The following SLC15A2 variants were observed in gnomAD, a reference collection of about 807,000 sequenced individuals.
SLC15A2 encodes solute carrier family 15 member 2, also known as kidney H(+)/peptide cotransporter.
SLC15A2 carries 77 observed loss-of-function variants against 95.5 expected under a neutral mutation model. That is an observed-to-expected ratio of 0.81 (90% confidence interval 0.67 to 0.97). The LOEUF (loss-of-function observed/expected upper bound fraction) is 0.97. Ranked by LOEUF, SLC15A2 falls within the 50% of genes least tolerant of loss-of-function variation. The pLI is 0.00. For missense variants in SLC15A2, 893 were observed against 874.4 expected (o/e 1.02, Z -0.27); for synonymous variants, 306 against 306.9 (o/e 1.00, Z 0.03).
intron 3 of SLC15A2, among the ~76,000 whole-genome samples, chr3:121,906,261 T>C (rs1397030994): frequency 6.6e-6 from 1 of 152,230 alleles, no homozygotes; most frequent in African/African-American, 2.4e-5. Context: ...TCTCTGCACA[T>C]GAGATGGTTC....
chr3:121,935,092 C>G (rs1193153708), intron 19 of SLC15A2, among the ~76,000 whole-genome samples: 1 of 152,290 alleles, frequency 6.6e-6, no homozygotes, highest in East Asian at 1.9e-4. Context: ...ATTGAACCAG[C>G]CTTGCATCCC....
chr3:121,934,044 C>T (rs1379960899), intron 19 of SLC15A2, among the ~76,000 whole-genome samples: 1 of 151,444 alleles, frequency 6.6e-6, no homozygotes, highest in African/African-American at 2.4e-5. Context: ...GCTTGTTTTT[C>T]TCAGGTTTGT....
chr3:121,935,653 C>A (rs1710328382), intron 19 of SLC15A2, among the ~76,000 whole-genome samples: 1 of 151,478 alleles, frequency 6.6e-6, no homozygotes, highest in South Asian at 2.1e-4. Context: ...ATTCTTCTCT[C>A]TTTTTTTCTT....
chr3:121,936,632 C>T (rs1302556841), intron 19 of SLC15A2, among the ~76,000 whole-genome samples: 1 of 148,896 alleles, frequency 6.7e-6, no homozygotes, highest in Non-Finnish European at 1.5e-5. Context: ...TCTTCCTCCA[C>T]CCTTTTATTT....
chr3:121,922,739 C>G, intron 8 of SLC15A2, 36 bp from the exon 9 acceptor site: 2 of 1,510,582 alleles, frequency 1.3e-6, no homozygotes, highest in Non-Finnish European at 1.8e-6. Context: ...ATGTTTTTCT[C>G]TTTGTCTCTC....
intron 3 of SLC15A2, among the ~76,000 whole-genome samples, chr3:121,908,497 G>A (rs1230589035): frequency 1.3e-5 from 2 of 152,142 alleles, no homozygotes; most frequent in African/African-American, 2.4e-5. Context: ...GGAGTGGTTC[G>A]TATTCAGCCA....
intron 8 of SLC15A2, among the ~76,000 whole-genome samples, chr3:121,922,513 A>G (rs1216275665): frequency 6.6e-6 from 1 of 152,218 alleles, no homozygotes; most frequent in Non-Finnish European, 1.5e-5. Flanking sequence ...TAAGTTGGCA[A>G]AAATCTTCTG....
At chr3:121,916,704 A>G (rs1052143477) in intron 7 of SLC15A2, among the ~76,000 whole-genome samples, 2 of 152,252 alleles carry the variant, frequency 1.3e-5, no homozygotes, top group Non-Finnish European at 2.9e-5. Context: ...GAAATGTTTC[A>G]TAAATTATGA....
chr3:121,934,083 C>T (rs1206132607), intron 19 of SLC15A2, among the ~76,000 whole-genome samples: 1,860 of 102,530 alleles, frequency 0.018, no homozygotes, highest in South Asian at 0.028. Flanking sequence ...AGATATGTGG[C>T]ATTATTTCTG....
intron 3 of SLC15A2, among the ~76,000 whole-genome samples, chr3:121,907,960 TC>T (rs1378760266): frequency 1.3e-5 from 2 of 152,250 alleles, no homozygotes; most frequent in Non-Finnish European, 2.9e-5. Flanking sequence ...TGCCTTTTGT[TC>T]CGCTATGCCC....
intron 21 of SLC15A2, 31 bp downstream of exon 21, chr3:121,940,519 C>T (rs1219811642): frequency 4.5e-6 from 7 of 1,559,430 alleles, no homozygotes; most frequent in Non-Finnish European, 6.2e-6. Context: ...GGATTCATTT[C>T]TACTCAAGTT....
Position 121,896,438 on chromosome 3 carries a change from T to A in SLC15A2, c.138T>A (p.Ile46=), listed in dbSNP as rs1399135222. ...TICGSNYPLS[I]AFIVVNEFCE... ...GTGGCTCCAACTATCCACTGAGCATTGCCTTCATTGTGGTGAATGAATTCT... is the reference window on the plus strand; with the variant it reads ...GTGGCTCCAACTATCCACTGAGCATAGCCTTCATTGTGGTGAATGAATTCT... The change falls in exon 2 of 22, where the codon ATT becomes ATA. Residue 46 remains isoleucine, a synonymous_variant. Transcript: ENST00000489711. 1.2e-6 allele frequency: 2 copies of A among 1,614,064 alleles called. No homozygotes were observed. The highest frequency in any genetic ancestry group is 3.3e-5 in the Admixed American group (2 of 60,010).
Position 121,940,911 on chromosome 3 carries a change from T to G in SLC15A2, c.2094T>G (p.Pro698=), listed in dbSNP as rs753383411. The stretch of plus-strand genomic sequence containing the variant: ...CCATCATGGGCTACTACTATGTTCC[T>G]GTAAAGACAGAGGATATGCGGGGTC... ...IFSIMGYYYV[P]VKTEDMRGPA... Residue 698 remains proline, a synonymous_variant, in exon 22 of 22, where the codon CCT becomes CCG. Coordinates refer to ENST00000489711, the MANE Select transcript of SLC15A2 (RefSeq NM_021082.4). The G allele has an allele frequency of 6.2e-7, 1 of 1,614,202 alleles. No individual in the cohort carries two copies. Among genetic ancestry groups the G allele is most frequent in the Admixed American group, 1.7e-5 (1 of 60,012 alleles).
In SLC15A2 at chr3:121,911,590, T is replaced by C; in HGVS notation, c.352T>C (p.Ser118Pro). 1 of 1,613,716 alleles carries C rather than the reference T, an allele frequency of 6.2e-7. No homozygotes were observed. Among genetic ancestry groups the C allele is most frequent in the Non-Finnish European group, 8.5e-7 (1 of 1,179,612 alleles). ...TCTCAACAGGACAATCATCTATCTCTCCTTGGTGTATGTGCTTGGCCATGT... is the reference window on the plus strand; with the variant it reads ...TCTCAACAGGACAATCATCTATCTCCCCTTGGTGTATGTGCTTGGCCATGT... ...LGKFKTIIYL[S>P]LVYVLGHVIK... The change falls in exon 4 of 22, where the codon TCC (serine) becomes CCC (proline). Residue 118 changes from serine to proline, a missense_variant. Coordinates refer to ENST00000489711, the MANE Select transcript of SLC15A2 (RefSeq NM_021082.4).
At chr3:121,940,598 G>A (rs1313337621) in intron 21 of SLC15A2, 110 bp downstream of exon 21, 4 of 962,090 alleles carry the variant, frequency 4.2e-6, no homozygotes, top group Non-Finnish European at 4.8e-6. Flanking sequence ...TCAGTGCTGT[G>A]ACATGAAATG....
intron 3 of SLC15A2, among the ~76,000 whole-genome samples, chr3:121,908,156 G>A (rs1012858889): frequency 4.6e-5 from 7 of 152,366 alleles, no homozygotes; most frequent in Middle Eastern, 6.8e-3. Context: ...CTAGCAGTGA[G>A]CAAAGCTCCA....
intron 4 of SLC15A2, among the ~76,000 whole-genome samples, chr3:121,912,737 A>C (rs750992898): frequency 6.6e-6 from 1 of 152,154 alleles, no homozygotes; most frequent in Non-Finnish European, 1.5e-5. Flanking sequence ...GAGTTCCTTC[A>C]GTATCTGTTT....
At position 121,915,692 on chromosome 3, in the gene SLC15A2, TG is replaced by T; in HGVS notation, c.697+1del. 1 of 1,611,300 alleles carries T rather than the reference TG, an allele frequency of 6.2e-7. No homozygotes were observed. The highest frequency in any genetic ancestry group is 8.5e-7 in the Non-Finnish European group (1 of 1,177,456). On this transcript the variant is annotated frameshift_variant and splice_region_variant, in exon 7 of 22. Coordinates refer to ENST00000489711, the MANE Select transcript of SLC15A2 (RefSeq NM_021082.4). LOFTEE classifies it high-confidence loss of function. Reference protein sequence around the residue: ...VPGLLMVIALVVFAMGSKIYN... With the variant: ...VPGLLMVIALXVFAMGSKIYN... ...CAGGACTGCTCATGGTAATTGCACT[TG>T]GTAAGTGCAGTGAAGCAAAGGAAAC...
intron 20 of SLC15A2, among the ~76,000 whole-genome samples, chr3:121,939,715 T>A (rs1300887804): frequency 1.3e-5 from 2 of 152,096 alleles, no homozygotes; most frequent in African/African-American, 4.8e-5. Flanking sequence ...GATTAAAGAT[T>A]AAAATGAAGA....
Sources: allele counts gnomAD v4.1 joint callset (sites outside exome capture counted in the v4.1 genomes callset), GRCh38; gene constraint gnomAD v4.1.1; transcripts MANE v1.5; gene names NCBI Gene and HGNC (gene_info 2026-07-23, HGNC 2026-07-21).